The following SLC4A8 variants were observed in gnomAD, a reference collection of about 807,000 sequenced individuals.
SLC4A8 encodes electroneutral sodium bicarbonate exchanger 1.
Under a neutral mutation model 125.0 loss-of-function variants are expected in SLC4A8, and 40 were observed. The ratio of observed to expected loss-of-function variants is 0.32; its 90% CI spans 0.25 to 0.42. SLC4A8 has a LOEUF of 0.42. SLC4A8 is among the 10% of genes least tolerant of loss of function. The probability of loss-of-function intolerance (pLI) is 1.00; values close to 1 mark genes in which losing one functional copy is unlikely to be tolerated. For synonymous variants in SLC4A8, 456 were observed against 476.0 expected (o/e 0.96, Z 0.55); for missense variants, 863 against 1,355.1 (o/e 0.64, Z 5.70).
chr12:51,475,006 G>GTGTC, intron 15 of SLC4A8, 39 bp from the exon 16 acceptor site: 1 of 1,588,046 alleles, frequency 6.3e-7, no homozygotes, highest in Non-Finnish European at 8.6e-7. Context: ...TTATTTGGTT[G>GTGTC]TGTCTGCCTT....
chr12:51,488,893 T>C (rs1335075827), intron 18 of SLC4A8, 33 bp downstream of exon 18: 2 of 1,580,192 alleles, frequency 1.3e-6, no homozygotes, highest in African/African-American at 1.4e-5. Context: ...AAGGCTGCTG[T>C]GGCAACCTGT....
At chr12:51,445,504 A>G (rs1411260411) in intron 2 of SLC4A8, among the ~76,000 whole-genome samples, 4 of 152,096 alleles carry the variant, frequency 2.6e-5, no homozygotes, top group Non-Finnish European at 5.9e-5. Flanking sequence ...TGCTTTTTAC[A>G]GCACATAGAT....
chr12:51,476,454 C>G (rs758282622), intron 16 of SLC4A8, among the ~76,000 whole-genome samples: 6 of 151,600 alleles, frequency 4.0e-5, no homozygotes, highest in Non-Finnish European at 8.8e-5. Flanking sequence ...GCACTCCAGC[C>G]TGGGCGACAG....
intron 4 of SLC4A8, among the ~76,000 whole-genome samples, chr12:51,453,229 A>G (rs529754810): frequency 6.6e-6 from 1 of 152,376 alleles, no homozygotes; most frequent in East Asian, 1.9e-4. Flanking sequence ...AAGCAAAAAG[A>G]AGAAAAAAAT....
intron 11 of SLC4A8, 76 bp from the exon 12 acceptor site, chr12:51,469,538 C>T: frequency 7.6e-6 from 10 of 1,312,356 alleles, no homozygotes; most frequent in Non-Finnish European, 1.1e-5. Context: ...ATTTGAAATG[C>T]TTTCAAATGT....
intron 16 of SLC4A8, among the ~76,000 whole-genome samples, chr12:51,481,043 C>T (rs1951013239): frequency 6.6e-6 from 1 of 152,120 alleles, no homozygotes. Flanking sequence ...ATGGGTTAAA[C>T]TAGATGAGCT....
At chr12:51,483,725 A>G (rs1343806154) in intron 16 of SLC4A8, among the ~76,000 whole-genome samples, 1 of 152,092 alleles carries the variant, frequency 6.6e-6, no homozygotes, top group Non-Finnish European at 1.5e-5. Flanking sequence ...TAATGCGAAA[A>G]TTTTAACAGG....
chr12:51,424,947 T>C lies in SLC4A8; in HGVS notation c.-41T>C. ...ACCAGAGGGCGCGGGCTGCTGATGC[T>C]TGGCTTGGAGCCCGTGGGGGAGACC... On this transcript the variant is annotated 5_prime_UTR_variant, in exon 1 of 25. Coordinates refer to ENST00000453097, the MANE Select transcript of SLC4A8 (RefSeq NM_001039960.3). 1 of 1,549,206 alleles carries C rather than the reference T, an allele frequency of 6.5e-7. No individual in the cohort carries two copies. The highest frequency in any genetic ancestry group is 8.7e-7 in the Non-Finnish European group (1 of 1,145,972).
upstream of SLC4A8, among the ~76,000 whole-genome samples, chr12:51,421,687 G>A (rs558205851): frequency 2.0e-5 from 3 of 152,258 alleles, no homozygotes; most frequent in South Asian, 4.1e-4. Context: ...GAATTACCAC[G>A]TTGCTAGAGT....
At chr12:51,485,981 T>C in intron 17 of SLC4A8, 81 bp downstream of exon 17, 1 of 812,158 alleles carries the variant, frequency 1.2e-6, no homozygotes, top group South Asian at 1.5e-5. Context: ...GGCCTTTTCA[T>C]ATCCTAATCC....
intron 21 of SLC4A8, among the ~76,000 whole-genome samples, chr12:51,495,547 C>T (rs1318076011): frequency 1.5e-5 from 2 of 135,560 alleles, no homozygotes; most frequent in African/African-American, 5.5e-5. Context: ...ATGATCTCGG[C>T]TCACTGTGAC....
At chr12:51,493,443 G>A (rs1951373717) in intron 19 of SLC4A8, among the ~76,000 whole-genome samples, 1 of 152,034 alleles carries the variant, frequency 6.6e-6, no homozygotes, top group Non-Finnish European at 1.5e-5. Flanking sequence ...TCCCCATGGA[G>A]GAGGAAGAGC....
intron 16 of SLC4A8, 134 bp downstream of exon 16, chr12:51,475,340 T>A: frequency 1.2e-6 from 1 of 804,212 alleles, no homozygotes; most frequent in East Asian, 2.5e-5. Context: ...CACACTGGCA[T>A]TCTCTCCTAG....
At chr12:51,483,864 A>T (rs539802096) in intron 16 of SLC4A8, among the ~76,000 whole-genome samples, 1 of 151,996 alleles carries the variant, frequency 6.6e-6, no homozygotes, top group Non-Finnish European at 1.5e-5. Context: ...CATTAGGTAT[A>T]TCTCCTAATG....
chr12:51,463,502 C>A, intron 10 of SLC4A8, 112 bp from the exon 11 acceptor site: 1 of 669,890 alleles, frequency 1.5e-6, no homozygotes, highest in Non-Finnish European at 2.7e-6. Flanking sequence ...TTGAAAGCTA[C>A]AAACACGGGC....
At chr12:51,491,605 G>C (rs1477243398) in intron 19 of SLC4A8, among the ~76,000 whole-genome samples, 1 of 152,156 alleles carries the variant, frequency 6.6e-6, no homozygotes, top group Non-Finnish European at 1.5e-5. Flanking sequence ...GCCTGTGGGT[G>C]ATTTAGAAGT....
chr12:51,430,396 T>C (rs1393682284), intron 1 of SLC4A8, among the ~76,000 whole-genome samples: 2 of 152,084 alleles, frequency 1.3e-5, no homozygotes, highest in African/African-American at 4.8e-5. Flanking sequence ...CAGTTTATGG[T>C]AAGCAGTCAG....
intron 1 of SLC4A8, chr12:51,403,256 C>T (rs1203318466): frequency 2.2e-6 from 1 of 456,884 alleles, no homozygotes; most frequent in Non-Finnish European, 4.4e-6. Context: ...TGGGGCCACT[C>T]AAGCCTGAAC....
At chr12:51,500,362 A>G (rs1937800430) in intron 22 of SLC4A8, among the ~76,000 whole-genome samples, 1 of 152,154 alleles carries the variant, frequency 6.6e-6, no homozygotes, top group African/African-American at 2.4e-5. Context: ...GCCAACATTC[A>G]TGTTCATTTC....
Sources: allele counts gnomAD v4.1 joint callset (sites outside exome capture counted in the v4.1 genomes callset), GRCh38; gene constraint gnomAD v4.1.1; transcripts MANE v1.5; gene names NCBI Gene and HGNC (gene_info 2026-07-23, HGNC 2026-07-21).